The following NCAPD3 variants were observed in gnomAD, a reference collection of about 807,000 sequenced individuals.
NCAPD3 encodes the protein condensin-2 complex subunit D3.
In NCAPD3, 105 loss-of-function variants were observed where a neutral mutation model predicts 182.9. The observed-to-expected ratio is 0.57, with a 90% CI of 0.49 to 0.68. The LOEUF is 0.68. NCAPD3 is among the 30% of genes least tolerant of loss of function. The probability of loss-of-function intolerance (pLI) is 0.00; values close to 1 mark genes in which losing one functional copy is unlikely to be tolerated. For synonymous variants in NCAPD3, 815 were observed against 679.9 expected (o/e 1.20, Z -3.09); for missense variants, 1,944 against 1,837.0 (o/e 1.06, Z -1.07).
chr11:134,156,339 G>C (rs1350226213), intron 32 of NCAPD3, among the ~76,000 whole-genome samples: 1 of 152,220 alleles, frequency 6.6e-6, no homozygotes, highest in Non-Finnish European at 1.5e-5. Context: ...GGCACACAGG[G>C]ACACGGCGGC....
intron 27 of NCAPD3, among the ~76,000 whole-genome samples, chr11:134,163,992 G>A (rs189058749): frequency 4.6e-5 from 7 of 152,224 alleles, no homozygotes; most frequent in East Asian, 1.9e-4. Context: ...ATGGAAATGG[G>A]ATAAGCTTAA....
chr11:134,177,150 T>C, intron 23 of NCAPD3, 69 bp downstream of exon 23: 1 of 1,200,046 alleles, frequency 8.3e-7, no homozygotes, highest in Non-Finnish European at 1.2e-6. Flanking sequence ...TTTCCTATGC[T>C]ACTCAAATAT....
intron 23 of NCAPD3, among the ~76,000 whole-genome samples, chr11:134,176,606 T>C (rs906734435): frequency 1.3e-5 from 2 of 152,226 alleles, no homozygotes; most frequent in Non-Finnish European, 2.9e-5. Flanking sequence ...CACATGGCAT[T>C]AGAGGGATGG....
chr11:134,216,656 C>T (rs1424796136), intron 3 of NCAPD3, among the ~76,000 whole-genome samples: 3 of 151,992 alleles, frequency 2.0e-5, no homozygotes, highest in East Asian at 1.9e-4. Context: ...TTTAGACGGC[C>T]GTGGTGGAGG....
At position 134,177,481 on chromosome 11, in the gene NCAPD3, T is replaced by A; in HGVS notation, c.2783-24A>T. The A allele has an allele frequency of 1.9e-6, 3 of 1,586,146 alleles. No individual in the cohort carries two copies. The South Asian group carries it at 3.3e-5, about 18-fold the overall frequency. On this transcript the variant is annotated intron_variant, in intron 22 of 34. Transcript: ENST00000534548. ...ACCTGGCACAGAAGACAGGAAGATG[T>A]CTCAACTGTATTCTAAATCCTAATT...
intron 13 of NCAPD3, among the ~76,000 whole-genome samples, chr11:134,202,401 T>G (rs1175253677): frequency 6.6e-6 from 1 of 152,190 alleles, no homozygotes; most frequent in Non-Finnish European, 1.5e-5. Context: ...TTTTTTAATT[T>G]TTTAAACAGA....
rs1555123168 is a variant in NCAPD3, at chr11:134,152,964, G to C, written c.4477C>G (p.Pro1493Ala). Residue 1493 changes from proline (P) to alanine (A), a missense_variant, in exon 35 of 35, where the codon CCT (proline) becomes GCT (alanine). Physicochemically the swap from Pro to Ala is conservative, Grantham distance 27 (BLOSUM62 -1). Transcript: ENST00000534548. ...GCTGTTTAGTTGGCTGTTTTCAGAG[G>C]GGTCTTTCGGAGGGACCTCCTGCTG... ...ACSRRSLRKTPLKTAN is the reference protein window; with the variant it reads ...ACSRRSLRKTALKTAN The C allele has an allele frequency of 6.4e-7, 1 of 1,562,618 alleles. No homozygotes were observed. The highest frequency in any genetic ancestry group is 2.3e-5 in the East Asian group (1 of 44,360).
At chr11:134,207,117 T>C (rs1043372525) in intron 7 of NCAPD3, among the ~76,000 whole-genome samples, 3 of 152,190 alleles carry the variant, frequency 2.0e-5, no homozygotes, top group Non-Finnish European at 4.4e-5. Flanking sequence ...GCTTTTTGCC[T>C]CCAGTTTACA....
intron 13 of NCAPD3, among the ~76,000 whole-genome samples, chr11:134,201,592 A>G (rs1216814693): frequency 6.6e-6 from 1 of 152,252 alleles, no homozygotes; most frequent in Admixed American, 6.5e-5. Flanking sequence ...TTTTTAATGT[A>G]CAATTAATGC....
rs150035297 is a variant in NCAPD3, at chr11:134,161,412, T to A, written c.3684+369A>T. Among the ~76,000 whole-genome samples the A allele has an allele frequency of 1.4e-4, 21 of 152,194 alleles. No homozygotes were observed. The East Asian group carries it at 4.1e-3, about 29-fold the overall frequency. ...TGTGAATCTGAGTCAGTGCAAAAGG[T>A]AAGCACCCTGAAATCAAACCCGAAG... is the stretch of plus-strand genomic sequence containing the variant. On this transcript the variant is annotated intron_variant, in intron 28 of 34. Transcript: ENST00000534548.
At chr11:134,176,675 T>A (rs1420610849) in intron 23 of NCAPD3, among the ~76,000 whole-genome samples, 4 of 152,180 alleles carry the variant, frequency 2.6e-5, no homozygotes, top group African/African-American at 9.7e-5. Flanking sequence ...ATACAGAACA[T>A]ACCAGGACAG....
chr11:134,161,930 C>G, intron 27 of NCAPD3, 39 bp from the exon 28 acceptor site: 1 of 1,114,496 alleles, frequency 9.0e-7, no homozygotes. Context: ...GATGTATGAA[C>G]TTCTGAAAGA....
In NCAPD3 at chr11:134,169,758, C is replaced by T. The variant is rs763414289; in HGVS notation, c.3102-704G>A. ...AACAGGCAAACTGTTTGACTACAGG[C>T]CACCACAGAGTTTCTGTTCATCACG... On this transcript the variant is annotated intron_variant, in intron 24 of 34. Coordinates refer to ENST00000534548, the MANE Select transcript of NCAPD3 (RefSeq NM_015261.3). Among the ~76,000 whole-genome samples, 67 of 152,346 alleles carry T rather than the reference C, an allele frequency of 4.4e-4. 1 individual carries two copies. The highest frequency in any genetic ancestry group is 3.4e-3 in the Middle Eastern group (1 of 294).
intron 3 of NCAPD3, among the ~76,000 whole-genome samples, chr11:134,215,929 G>C (rs149854436): frequency 2.6e-5 from 4 of 152,292 alleles, no homozygotes; most frequent in African/African-American, 9.6e-5. Flanking sequence ...AAAAACAGAA[G>C]GTAACTGGCA....
intron 27 of NCAPD3, among the ~76,000 whole-genome samples, chr11:134,163,816 G>A (rs192037950): frequency 8.1e-5 from 12 of 147,244 alleles, no homozygotes; most frequent in Non-Finnish European, 1.2e-4. Context: ...AGCTTGCAGT[G>A]AGCTGAGATC....
intron 17 of NCAPD3, 57 bp from the exon 18 acceptor site, chr11:134,185,057 CA>C: frequency 7.5e-7 from 1 of 1,338,334 alleles, no homozygotes; most frequent in South Asian, 1.2e-5. Context: ...CTGCTGCCAA[CA>C]AAGGCCTTTC....
At chr11:134,214,332 A>C (rs1937942355) in intron 3 of NCAPD3, among the ~76,000 whole-genome samples, 1 of 151,416 alleles carries the variant, frequency 6.6e-6, no homozygotes, top group Non-Finnish European at 1.5e-5. Flanking sequence ...GTAAGTAATG[A>C]CAAGAAAAAT....
intron 24 of NCAPD3, among the ~76,000 whole-genome samples, chr11:134,175,750 A>T (rs1432161147): frequency 6.6e-6 from 1 of 151,996 alleles, no homozygotes; most frequent in Non-Finnish European, 1.5e-5. Flanking sequence ...AAAATCTTTA[A>T]AAAAAAAGAT....
intron 28 of NCAPD3, 125 bp downstream of exon 28, chr11:134,161,656 T>A: frequency 7.4e-6 from 5 of 679,222 alleles, no homozygotes; most frequent in Non-Finnish European, 1.3e-5. Context: ...ACCAAGGTAA[T>A]GTTGGGTTTG....
Sources: gnomAD v4.1 joint callset for allele counts (sites outside exome capture counted in the v4.1 genomes callset) on GRCh38, gnomAD v4.1.1 for gene constraint, MANE v1.5 for transcripts, NCBI Gene and HGNC (gene_info 2026-07-23, HGNC 2026-07-21) for gene names.